Variants in LCK observed in about 807,000 individuals in gnomAD.
LCK encodes LCK proto-oncogene, Src family tyrosine kinase, also known as tyrosine-protein kinase Lck.
A neutral mutation model predicts 64.6 loss-of-function variants in LCK; 14 were observed. That is an observed-to-expected ratio of 0.22 (90% CI 0.14 to 0.34). The LOEUF is 0.34. LCK is among the 10% of genes least tolerant of loss of function. The pLI is 1.00. For synonymous variants in LCK, 277 were observed against 263.6 expected (o/e 1.05, Z -0.49); for missense variants, 434 against 668.1 (o/e 0.65, Z 3.86).
intron 1 of LCK, among the ~76,000 whole-genome samples, chr1:32,260,136 C>T (rs531253222): frequency 4.0e-5 from 6 of 151,876 alleles, no homozygotes; most frequent in Admixed American, 2.0e-4. Context: ...CTCAGCCTTC[C>T]GAGTAGCTGG....
chr1:32,263,829 T>C (rs868273487), intron 1 of LCK, among the ~76,000 whole-genome samples: 2 of 151,850 alleles, frequency 1.3e-5, no homozygotes, highest in African/African-American at 4.8e-5. Flanking sequence ...GAGGATCCCT[T>C]GAGCACAGGA....
chr1:32,284,800 CAT>C (rs1640566512), intron 12 of LCK, among the ~76,000 whole-genome samples: 2 of 152,218 alleles, frequency 1.3e-5, no homozygotes, highest in African/African-American at 2.4e-5. Flanking sequence ...CCACAACTAA[CAT>C]GTGTGTATTA....
intron 1 of LCK, among the ~76,000 whole-genome samples, chr1:32,273,683 C>T (rs750218399): frequency 6.6e-6 from 1 of 151,944 alleles, no homozygotes; most frequent in Non-Finnish European, 1.5e-5. Context: ...ACTGCTAAAA[C>T]AGGCAAATAA....
At chr1:32,258,822 A>AC (rs1491078808) in intron 1 of LCK, among the ~76,000 whole-genome samples, 1 of 149,094 alleles carries the variant, frequency 6.7e-6, no homozygotes, top group Non-Finnish European at 1.5e-5. Context: ...AAAAAAAAAA[A>AC]ACCCAGCCTG....
chr1:32,269,444 TTTC>T (rs1189791814), intron 1 of LCK: 2 of 151,752 alleles, frequency 1.3e-5, no homozygotes, highest in African/African-American at 4.8e-5. Flanking sequence ...TCTGTTTTTT[TTTC>T]TTTTGAGATG....
chr1:32,266,370 C>T (rs933382063), intron 1 of LCK, among the ~76,000 whole-genome samples: 4 of 150,892 alleles, frequency 2.7e-5, no homozygotes, highest in Admixed American at 6.6e-5. Flanking sequence ...CAGTGGCGGG[C>T]GCCGGTAGTT....
chr1:32,260,802 TG>T (rs1639748705), intron 1 of LCK, among the ~76,000 whole-genome samples: 1 of 151,828 alleles, frequency 6.6e-6, no homozygotes. Flanking sequence ...TTGTATTTTT[TG>T]TAGAGATGAG....
rs567679161 is a variant in LCK at position 32,275,180 on chromosome 1, G to T, written c.278+97G>T. 1 of 1,465,268 alleles carries T rather than the reference G, an allele frequency of 6.8e-7. No individual in the cohort carries two copies. Among genetic ancestry groups the T allele is most frequent in the South Asian group, 1.2e-5 (1 of 84,498 alleles). The allele number at this position is 1,465,268 out of a possible 1,614,324, so 90.8% of individuals were successfully genotyped here. A position where few individuals can be genotyped will look rare whatever the true frequency, so the allele number is the denominator to read the frequency against. On this transcript the variant is annotated intron_variant, in intron 4 of 12. Coordinates refer to ENST00000336890, the MANE Select transcript of LCK (RefSeq NM_005356.5). This position sits in a 1 kb window ranked among gnomAD's most constrained non-coding sequence, Gnocchi z 6.9. ...TGCGGCCCTTGACCAGCTCGGGGTGGCCGCCCTTGGGACAAAATTCGAGGC... is the reference window on the plus strand; with the variant it reads ...TGCGGCCCTTGACCAGCTCGGGGTGTCCGCCCTTGGGACAAAATTCGAGGC...
rs1016591123 is a variant in LCK at position 32,274,714 on chromosome 1, C to T, written c.106-23C>T. On this transcript the variant is annotated intron_variant, in intron 2 of 12. Transcript: ENST00000336890. ...GACCCAATCTTCTGCTTTCTGACCCCACCCTCATCCCCCACTCCACAGCTG... is the reference window on the plus strand; with the variant it reads ...GACCCAATCTTCTGCTTTCTGACCCTACCCTCATCCCCCACTCCACAGCTG... 5 of 1,546,438 alleles carry T rather than the reference C, an allele frequency of 3.2e-6. No homozygotes were observed. The Admixed American group carries it at 5.5e-5, about 17-fold the overall frequency.
In LCK at chr1:32,276,707, G is replaced by A. The variant is rs368774931; in HGVS notation, c.885G>A (p.Leu295=). 2.5e-6 allele frequency: 4 copies of A among 1,614,004 alleles called. No homozygotes were observed. The African/African-American group carries it at 4.0e-5, about 16-fold the overall frequency. ...CCGAGGCCAACCTCATGAAGCAGCT[G>A]CAACACCAGCGGCTGGTTCGGCTCT... ...FLAEANLMKQ[L]QHQRLVRLYA... Residue 295 remains leucine (L), a synonymous_variant, in exon 9 of 13, where the codon CTG becomes CTA. Transcript: ENST00000336890. The surrounding 1 kb of genome is among the most constrained non-coding windows in gnomAD (Gnocchi z 4.6).
intron 1 of LCK, among the ~76,000 whole-genome samples, chr1:32,272,872 G>A (rs2124346497): frequency 6.7e-6 from 1 of 148,646 alleles, no homozygotes; most frequent in Admixed American, 6.7e-5. Flanking sequence ...TAAGGTGAGT[G>A]TGTGGATGTG....
At chr1:32,273,771 C>G (rs549166259) in intron 1 of LCK, among the ~76,000 whole-genome samples, 26 of 152,074 alleles carry the variant, frequency 1.7e-4, no homozygotes, top group Non-Finnish European at 3.4e-4. Context: ...TTGAAGGAAC[C>G]CTGTGAGATG....
In LCK at chr1:32,276,430, G is replaced by C; in HGVS notation, c.725G>C (p.Arg242Thr). The C allele has an allele frequency of 2.5e-6, 4 of 1,612,870 alleles. No individual in the cohort carries two copies. The highest frequency in any genetic ancestry group is 3.4e-6 in the Non-Finnish European group (4 of 1,179,910). The change falls in exon 8 of 13, where the codon AGG (arginine) becomes ACG (threonine). Residue 242 changes from arginine to threonine, a missense_variant. Arg to Thr is a moderately conservative substitution (Grantham distance 71, BLOSUM62 -1). Coordinates refer to ENST00000336890, the MANE Select transcript of LCK (RefSeq NM_005356.5). The surrounding 1 kb of genome is among the most constrained non-coding windows in gnomAD (Gnocchi z 4.6). ...PWWEDEWEVP[R>T]ETLKLVERLG... The stretch of plus-strand genomic sequence containing the variant: ...TGGGAGGACGAGTGGGAGGTTCCCA[G>C]GGAGACGCTGAAGCTGGTGGAGCGG...
chr1:32,270,554 C>T lies in LCK; in HGVS notation c.-5-3771C>T, dbSNP rs1274143056. ...GGATTACAGGCGTGTGCCACCATGC[C>T]TGGCTAATTTTTGTATTTTTAGTAG... On this transcript the variant is annotated intron_variant, in intron 1 of 12. Coordinates refer to ENST00000336890, the MANE Select transcript of LCK (RefSeq NM_005356.5). 2.0e-5 allele frequency among the ~76,000 whole-genome samples: 3 copies of T among 150,422 alleles called. No individual in the cohort carries two copies. The East Asian group carries it at 5.9e-4, about 29-fold the overall frequency.
chr1:32,272,605 AAGAGAGAGAGAGAGAGAAAGAG>A (rs1168095050), intron 1 of LCK, among the ~76,000 whole-genome samples: 59 of 135,662 alleles, frequency 4.3e-4, no homozygotes, highest in Non-Finnish European at 6.9e-4. Flanking sequence ...GAGAGAGAGA[AAGAGAGAGAGAGAGAGAAAGAG>A]AGAGAGAGAG....
intron 1 of LCK, among the ~76,000 whole-genome samples, chr1:32,252,014 A>T (rs1569888217): frequency 6.6e-6 from 1 of 152,060 alleles, no homozygotes; most frequent in South Asian, 2.1e-4. Flanking sequence ...GAATCTCCTG[A>T]TGGGCGTGAA....
chr1:32,278,460 T>C (rs961956062), intron 9 of LCK, among the ~76,000 whole-genome samples: 15 of 152,026 alleles, frequency 9.9e-5, no homozygotes, highest in Non-Finnish European at 1.5e-4. Context: ...TGCCTCAGTC[T>C]CCCAAGTAGC....
chr1:32,273,860 G>A (rs187440738), intron 1 of LCK, among the ~76,000 whole-genome samples: 1 of 152,154 alleles, frequency 6.6e-6, no homozygotes, highest in African/African-American at 2.4e-5. Flanking sequence ...AGCCTCCTCA[G>A]CTAGACAGGG....
rs1255867010 is a variant in LCK, at chr1:32,286,066, C to T, written c.*350C>T. The T allele has an allele frequency of 2.6e-6, 1 of 386,010 alleles. No individual in the cohort carries two copies. Among genetic ancestry groups the T allele is most frequent in the African/African-American group, 2.0e-5 (1 of 50,754 alleles). The allele number at this position is 386,010 out of a possible 1,614,324, so 23.9% of individuals were successfully genotyped here. On this transcript the variant is annotated 3_prime_UTR_variant, in exon 13 of 13. Coordinates refer to ENST00000336890, the MANE Select transcript of LCK (RefSeq NM_005356.5). ...TTCCTCAGATCATCCAGAAGTTCCTCAAGGGCCAGGACTTTATCTAATACC... is the reference window on the plus strand; with the variant it reads ...TTCCTCAGATCATCCAGAAGTTCCTTAAGGGCCAGGACTTTATCTAATACC...
Sources: gnomAD v4.1 joint callset for allele counts (sites outside exome capture counted in the v4.1 genomes callset) on GRCh38, gnomAD v4.1.1 for gene constraint, Gnocchi (gnomAD v3.1) non-coding constraint, MANE v1.5 for transcripts, NCBI Gene and HGNC (gene_info 2026-07-23, HGNC 2026-07-21) for gene names.